The following DOCK8 variants were observed in gnomAD, a reference collection of about 807,000 sequenced individuals.
The protein encoded by DOCK8 is dedicator of cytokinesis protein 8.
Under a neutral mutation model 245.6 loss-of-function variants are expected in DOCK8, and 141 were observed. That is an observed-to-expected ratio of 0.57 (90% CI 0.50 to 0.66). The LOEUF (loss-of-function observed/expected upper bound fraction) is 0.66, where lower values mean the gene tolerates loss of function less well. Among genes scored for constraint, DOCK8 ranks in the 30% least tolerant of loss-of-function variants. The pLI is 0.00. For missense variants in DOCK8, 2,965 were observed against 2,603.4 expected, an observed-to-expected ratio of 1.14 and a Z score of -3.02; for synonymous variants, 1,168 against 970.2, an observed-to-expected ratio of 1.20 and a Z score of -3.79.
At chr9:325,454 T>C (rs1247601440) in intron 7 of DOCK8, among the ~76,000 whole-genome samples, 3 of 152,210 alleles carry the variant, frequency 2.0e-5, no homozygotes, top group Admixed American at 2.0e-4. Flanking sequence ...ACCATGCTTT[T>C]GTAATGTCCA....
chr9:296,230 ATGT>A (rs779509240), intron 4 of DOCK8, among the ~76,000 whole-genome samples: 12 of 152,152 alleles, frequency 7.9e-5, no homozygotes, highest in Non-Finnish European at 1.6e-4. Context: ...TATTTTGATA[ATGT>A]TGTGTGGATT....
chr9:404,831 A>G, intron 26 of DOCK8, 87 bp from the exon 27 acceptor site: 1 of 1,430,194 alleles, frequency 7.0e-7, no homozygotes, highest in Non-Finnish European at 9.8e-7. Context: ...CTTAACCTGG[A>G]GAGAAAGGAT....
At chr9:333,902 G>C (rs565959787) in intron 10 of DOCK8, among the ~76,000 whole-genome samples, 35 of 152,292 alleles carry the variant, frequency 2.3e-4, no homozygotes, top group African/African-American at 8.2e-4. Flanking sequence ...GCAAATCCAA[G>C]TCACATAGCT....
At chr9:292,979 C>G (rs1020894907) in intron 4 of DOCK8, among the ~76,000 whole-genome samples, 1 of 152,076 alleles carries the variant, frequency 6.6e-6, no homozygotes, top group Non-Finnish European at 1.5e-5. Context: ...TTATTATATG[C>G]AAGTTTTTGC....
rs143460553 is a variant in DOCK8, at chr9:274,911, G to T, written c.156+3182G>T. 2.2e-3 allele frequency among the ~76,000 whole-genome samples: 337 copies of T among 152,286 alleles called. 6 individuals are homozygous for T. In the East Asian group the frequency reaches 0.03, roughly 14 times the overall value. On this transcript the variant is annotated intron_variant, in intron 2 of 47. Transcript: ENST00000432829. ...CAACCACCATTTCAATGGCCCACTTGCTGATACAAATGATTGTTTAATTTT... is the reference window on the plus strand; with the variant it reads ...CAACCACCATTTCAATGGCCCACTTTCTGATACAAATGATTGTTTAATTTT...
chr9:357,641 T>A (rs1291560629), intron 14 of DOCK8, among the ~76,000 whole-genome samples: 2 of 152,074 alleles, frequency 1.3e-5, no homozygotes, highest in African/African-American at 2.4e-5. Flanking sequence ...GGTGTAGAGG[T>A]CCCTGATGTT....
chr9:464,874 C>G lies in DOCK8; in HGVS notation c.*655C>G, dbSNP rs1398819798. Reference sequence around the variant, plus strand: ...ACATGCATTTATAGAAGAATACATTCAAAGCACTGATGTAGGAGATACACG... The same window carrying G: ...ACATGCATTTATAGAAGAATACATTGAAAGCACTGATGTAGGAGATACACG... On this transcript the variant is annotated 3_prime_UTR_variant, in exon 48 of 48. Coordinates refer to ENST00000432829, the MANE Select transcript of DOCK8 (RefSeq NM_203447.4). 4 of 156,706 alleles carry G rather than the reference C, an allele frequency of 2.6e-5. No individual in the cohort carries two copies. Among genetic ancestry groups the G allele is most frequent in the African/African-American group, 9.6e-5 (4 of 41,454 alleles). The allele number at this position is 156,706 out of a possible 1,614,324, so 9.7% of individuals were successfully genotyped here.
At chr9:284,992 C>T (rs1011680430) in intron 2 of DOCK8, among the ~76,000 whole-genome samples, 2 of 152,056 alleles carry the variant, frequency 1.3e-5, no homozygotes, top group Non-Finnish European at 2.9e-5. Flanking sequence ...ACTATGTGGT[C>T]CTGGGCTTAA....
At chr9:401,771 A>G (rs533560239) in intron 26 of DOCK8, among the ~76,000 whole-genome samples, 1 of 152,274 alleles carries the variant, frequency 6.6e-6, no homozygotes, top group African/African-American at 2.4e-5. Flanking sequence ...AGAAAAAGAC[A>G]TGACTTTTCT....
chr9:362,416 C>T (rs1563965068), intron 14 of DOCK8, among the ~76,000 whole-genome samples: 1 of 152,198 alleles, frequency 6.6e-6, no homozygotes, highest in African/African-American at 2.4e-5. Flanking sequence ...CATCCATCAC[C>T]TTTGTCACTG....
At chr9:325,849 T>C in intron 8 of DOCK8, 112 bp downstream of exon 8, 1 of 972,478 alleles carries the variant, frequency 1.0e-6, no homozygotes, top group East Asian at 2.4e-5. Flanking sequence ...TGAAAGCAAA[T>C]GATCTTTGAT....
Position 463,627 on chromosome 9 carries a change from T to C in DOCK8, c.6179T>C (p.Met2060Thr), listed in dbSNP as rs760306916. The C allele has an allele frequency of 1.7e-5, 28 of 1,613,638 alleles. No individual in the cohort carries two copies. The Admixed American group carries it at 3.0e-4, about 17-fold the overall frequency. Residue 2060 changes from methionine to threonine, a missense_variant, in exon 47 of 48, where the codon ATG becomes ACG. Coordinates refer to ENST00000432829, the MANE Select transcript of DOCK8 (RefSeq NM_203447.4). Reference protein sequence around the residue: ...YNKLKENLRPMIERKIPELYK... With the variant: ...YNKLKENLRPTIERKIPELYK... The stretch of plus-strand genomic sequence containing the variant: ...AAGCTAAAAGAGAACCTCAGGCCAA[T>C]GATCGAGCGGAAAATTCCAGAACTG...
At chr9:373,654 T>C (rs931775870) in intron 18 of DOCK8, among the ~76,000 whole-genome samples, 1 of 152,244 alleles carries the variant, frequency 6.6e-6, no homozygotes, top group Non-Finnish European at 1.5e-5. Flanking sequence ...TTCTTCTCTG[T>C]TCTTTCGCCA....
chr9:400,884 C>CCAT (rs201495409), intron 26 of DOCK8, among the ~76,000 whole-genome samples: 10 of 106,482 alleles, frequency 9.4e-5, no homozygotes, highest in South Asian at 5.9e-4. Context: ...ACCACCTCCA[C>CCAT]CACCACCACC....
intron 6 of DOCK8, among the ~76,000 whole-genome samples, chr9:315,828 C>G (rs2050319963): frequency 6.6e-6 from 1 of 152,216 alleles, no homozygotes; most frequent in African/African-American, 2.4e-5. Flanking sequence ...AAATTAGAAT[C>G]TAGACCAAAG....
In DOCK8 at chr9:396,883, T is replaced by A. The variant is rs771219221; in HGVS notation, c.3069T>A (p.Ile1023=). 12 of 1,614,038 alleles carry A rather than the reference T, an allele frequency of 7.4e-6. No individual in the cohort carries two copies. Among genetic ancestry groups the A allele is most frequent in the Admixed American group, 1.7e-5 (1 of 60,004 alleles). The change falls in exon 25 of 48, where the codon ATT becomes ATA. Residue 1023 remains isoleucine, a synonymous_variant. Transcript: ENST00000432829. ...SDRFMDDITT[I]VNVVTSEIAA... is the part of the protein sequence containing the mutation. ...GTTTCATGGATGACATAACTACTATTGTTAATGTGGTCACCTCGGAAATTG... is the reference window on the plus strand; with the variant it reads ...GTTTCATGGATGACATAACTACTATAGTTAATGTGGTCACCTCGGAAATTG...
chr9:251,847 A>G (rs1194517938), intron 1 of DOCK8, among the ~76,000 whole-genome samples: 1 of 152,182 alleles, frequency 6.6e-6, no homozygotes, highest in Non-Finnish European at 1.5e-5. Context: ...GGTTATAAGG[A>G]TTAAAGATAC....
At chr9:214,732 C>T (rs1364118807), upstream of DOCK8, 5 of 1,516,618 alleles carry the variant, frequency 3.3e-6, no homozygotes, top group Non-Finnish European at 3.5e-6. Context: ...GCTGGGCCCA[C>T]GCCCTCCTCG....
chr9:269,961 A>G (rs960327115), intron 1 of DOCK8, among the ~76,000 whole-genome samples: 7 of 152,218 alleles, frequency 4.6e-5, no homozygotes, highest in Admixed American at 2.6e-4. Flanking sequence ...ATGGCTTTCC[A>G]AAATGGCTGC....
Sources: gnomAD v4.1 joint callset for allele counts (sites outside exome capture counted in the v4.1 genomes callset) on GRCh38, gnomAD v4.1.1 for gene constraint, MANE v1.5 for transcripts, NCBI Gene and HGNC (gene_info 2026-07-23, HGNC 2026-07-21) for gene names.